The following CPQ variants were observed in gnomAD, a reference collection of about 807,000 sequenced individuals.
CPQ encodes carboxypeptidase Q, also known as Ser-Met dipeptidase.
CPQ carries 37 observed loss-of-function variants against 45.7 expected under a neutral mutation model. That is an observed-to-expected ratio of 0.81 (90% confidence interval 0.62 to 1.07). The LOEUF (loss-of-function observed/expected upper bound fraction) is 1.07, where lower values mean the gene tolerates loss of function less well. Among genes scored for constraint, CPQ ranks in the 50% least tolerant of loss-of-function variants. CPQ has a pLI of 0.00. For synonymous variants in CPQ, 186 were observed against 205.8 expected (o/e 0.90, Z 0.82); for missense variants, 537 against 572.9 (o/e 0.94, Z 0.64).
chr8:96,813,495 C>A (rs1006002204), intron 2 of CPQ, among the ~76,000 whole-genome samples: 2 of 152,116 alleles, frequency 1.3e-5, no homozygotes, highest in Non-Finnish European at 2.9e-5. Context: ...TAGATCAGAA[C>A]ATATTCTGTG....
chr8:96,646,092 G>A (rs1200757044), intron 1 of CPQ, among the ~76,000 whole-genome samples: 3 of 150,974 alleles, frequency 2.0e-5, no homozygotes, highest in East Asian at 2.0e-4. Flanking sequence ...TGGAAGCAGT[G>A]GAGACGCAGG....
chr8:96,901,867 T>A (rs187497016), intron 4 of CPQ, among the ~76,000 whole-genome samples: 39 of 152,332 alleles, frequency 2.6e-4, no homozygotes, highest in Admixed American at 2.6e-3. Flanking sequence ...AGACAGCCAA[T>A]TAACATTTTT....
At chr8:96,680,499 C>T (rs1809135237) in intron 1 of CPQ, 1 of 152,272 alleles carries the variant, frequency 6.6e-6, no homozygotes, top group Non-Finnish European at 1.5e-5. Context: ...ATGACTTGCT[C>T]CTCCTTCCTT....
chr8:96,887,645 A>C (rs554319383), intron 4 of CPQ, among the ~76,000 whole-genome samples: 2 of 152,246 alleles, frequency 1.3e-5, no homozygotes, highest in East Asian at 3.9e-4. Context: ...GGGCTGGCCC[A>C]TTTCTTTTGA....
At chr8:97,112,076 G>A (rs1811506457) in intron 7 of CPQ, among the ~76,000 whole-genome samples, 1 of 151,700 alleles carries the variant, frequency 6.6e-6, no homozygotes, top group African/African-American at 2.4e-5. Context: ...ACTCCACTCT[G>A]TCCTCACCTC....
chr8:96,651,422 C>T (rs965184565), intron 1 of CPQ, among the ~76,000 whole-genome samples: 1 of 152,194 alleles, frequency 6.6e-6, no homozygotes, highest in Non-Finnish European at 1.5e-5. Flanking sequence ...CAGAGTTATT[C>T]TGTACTGACA....
chr8:96,838,452 T>C (rs890504531), intron 3 of CPQ, among the ~76,000 whole-genome samples: 15 of 152,154 alleles, frequency 9.9e-5, no homozygotes, highest in Non-Finnish European at 2.1e-4. Flanking sequence ...AGATTTTCCA[T>C]GGTTATCCAT....
intron 6 of CPQ, among the ~76,000 whole-genome samples, chr8:97,049,648 TTAG>T (rs1810323664): frequency 1.3e-5 from 2 of 152,162 alleles, no homozygotes; most frequent in Admixed American, 6.5e-5. Flanking sequence ...TCGTCAATTG[TTAG>T]TGGTGCGATT....
rs377132234 is a variant in CPQ, at chr8:96,666,320, T to A, written c.-35+20918T>A. On this transcript the variant is annotated intron_variant, in intron 1 of 7. Coordinates refer to ENST00000220763, the MANE Select transcript of CPQ (RefSeq NM_016134.4). ...GGGTGTTATTTGCTATCACTAGCAA[T>A]TAGCTAATGCTGTGAGGGACAGTCC... is the stretch of plus-strand genomic sequence containing the variant. 7.9e-5 allele frequency among the ~76,000 whole-genome samples: 12 copies of A among 152,292 alleles called. No homozygotes were observed. The East Asian group carries it at 2.3e-3, about 29-fold the overall frequency.
At chr8:96,944,331 T>G (rs933590125) in intron 4 of CPQ, among the ~76,000 whole-genome samples, 3 of 152,122 alleles carry the variant, frequency 2.0e-5, no homozygotes, top group Non-Finnish European at 4.4e-5. Flanking sequence ...TCCAGGCAGT[T>G]CTGGGAGTTC....
intron 1 of CPQ, among the ~76,000 whole-genome samples, chr8:96,748,431 T>C (rs1334097306): frequency 6.6e-6 from 1 of 152,164 alleles, no homozygotes; most frequent in East Asian, 1.9e-4. Context: ...CCTAGAGTCA[T>C]CTTGTTTCTT....
chr8:97,143,195 A>T lies in CPQ; in HGVS notation c.*12A>T. 6.2e-7 allele frequency: 1 copy of T among 1,612,532 alleles called. No individual in the cohort carries two copies. The highest frequency in any genetic ancestry group is 8.5e-7 in the Non-Finnish European group (1 of 1,179,408). On this transcript the variant is annotated 3_prime_UTR_variant, in exon 8 of 8. Coordinates refer to ENST00000220763, the MANE Select transcript of CPQ (RefSeq NM_016134.4). ...TGCCTAGGTCCTAGAAACAGTAAGA[A>T]AGAAACGTTTTCATGCTTCTGGCCA...
chr8:96,696,350 G>C (rs916691728), intron 1 of CPQ, among the ~76,000 whole-genome samples: 1 of 152,032 alleles, frequency 6.6e-6, no homozygotes, highest in African/African-American at 2.4e-5. Context: ...TAGATGACGA[G>C]TTAGTGGGTG....
chr8:96,790,211 C>T (rs1410429535), intron 2 of CPQ, among the ~76,000 whole-genome samples: 1 of 152,092 alleles, frequency 6.6e-6, no homozygotes, highest in Admixed American at 6.6e-5. Context: ...CTTCTCTCTT[C>T]CCCCAGGAGA....
intron 7 of CPQ, among the ~76,000 whole-genome samples, chr8:97,098,475 G>A (rs1258566599): frequency 1.3e-5 from 2 of 152,140 alleles, no homozygotes; most frequent in South Asian, 2.1e-4. Context: ...CAGAAGCCCT[G>A]CTGGTCCTTA....
intron 5 of CPQ, among the ~76,000 whole-genome samples, chr8:97,017,801 T>C (rs147360038): frequency 2.0e-5 from 3 of 152,074 alleles, no homozygotes; most frequent in East Asian, 3.9e-4. Context: ...CTTCCCTACA[T>C]ACCCTGGTGG....
chr8:96,758,714 C>CT (rs1810358681), intron 1 of CPQ, among the ~76,000 whole-genome samples: 1 of 152,092 alleles, frequency 6.6e-6, no homozygotes, highest in Non-Finnish European at 1.5e-5. Context: ...AGTTCTTCTT[C>CT]TTTTTTGTTT....
intron 1 of CPQ, among the ~76,000 whole-genome samples, chr8:96,777,758 ATATTTTTTTTTTTTTTTT>A (rs1810633806): frequency 1.8e-4 from 2 of 11,160 alleles, no homozygotes; most frequent in Admixed American, 1.8e-3. Flanking sequence ...ATATATATAT[ATATTTTTTTTTTTTTTTT>A]TTTTTTTTTT....
At chr8:96,767,639 T>C (rs1262628905) in intron 1 of CPQ, among the ~76,000 whole-genome samples, 1 of 126,622 alleles carries the variant, frequency 7.9e-6, no homozygotes, top group African/African-American at 3.0e-5. Flanking sequence ...CCTATGCTTT[T>C]TTTTTTTTTT....
Sources: allele counts gnomAD v4.1 joint callset (sites outside exome capture counted in the v4.1 genomes callset), GRCh38; gene constraint gnomAD v4.1.1; transcripts MANE v1.5; gene names NCBI Gene and HGNC (gene_info 2026-07-23, HGNC 2026-07-21).